The following CACNA2D3 variants were observed in gnomAD, a reference collection of about 807,000 sequenced individuals.
The protein encoded by CACNA2D3 is voltage-dependent calcium channel subunit alpha-2/delta-3.
CACNA2D3 carries 60 observed loss-of-function variants against 160.6 expected under a neutral mutation model. The observed-to-expected ratio is 0.37, with a 90% CI of 0.30 to 0.46. The LOEUF (loss-of-function observed/expected upper bound fraction) is 0.46. CACNA2D3 is among the 20% of genes least tolerant of loss of function. The pLI is 1.00. For synonymous variants in CACNA2D3, 558 were observed against 492.9 expected (o/e 1.13, Z -1.75); for missense variants, 1,205 against 1,365.0 (o/e 0.88, Z 1.85).
intron 27 of CACNA2D3, among the ~76,000 whole-genome samples, chr3:54,948,813 G>A (rs1701681463): frequency 6.6e-6 from 1 of 152,178 alleles, no homozygotes; most frequent in South Asian, 2.1e-4. Context: ...GACTACAGTT[G>A]CATCTGTCAG....
At chr3:54,559,340 C>G (rs963423643) in intron 5 of CACNA2D3, among the ~76,000 whole-genome samples, 2 of 152,092 alleles carry the variant, frequency 1.3e-5, no homozygotes, top group Non-Finnish European at 2.9e-5. Context: ...CTCTGTCACC[C>G]AGGCTGGAGT....
intron 13 of CACNA2D3, among the ~76,000 whole-genome samples, chr3:54,784,303 G>T (rs1229859842): frequency 6.6e-6 from 1 of 152,316 alleles, no homozygotes; most frequent in South Asian, 2.1e-4. Flanking sequence ...GCTCGTGCTG[G>T]AGGCCTTCCA....
rs547809709 is a variant in CACNA2D3, at chr3:55,026,083, C to T, written c.2987+7766C>T. ...CTGGTTAGGAAGTGAAATAACATTA[C>T]AGGCTCCTCAGAAGCACCGACCCCC... On this transcript the variant is annotated intron_variant, in intron 35 of 37. Transcript: ENST00000474759. 7.9e-5 allele frequency among the ~76,000 whole-genome samples: 12 copies of T among 152,154 alleles called. No homozygotes were observed. The South Asian group carries it at 2.3e-3, about 29-fold the overall frequency.
chr3:54,700,059 C>T (rs1032404437), intron 11 of CACNA2D3, among the ~76,000 whole-genome samples: 4 of 152,176 alleles, frequency 2.6e-5, no homozygotes, highest in African/African-American at 9.7e-5. Flanking sequence ...CCACTCCTAG[C>T]ATTTATTATC....
intron 11 of CACNA2D3, among the ~76,000 whole-genome samples, chr3:54,731,261 T>TA (rs1442949296): frequency 6.6e-6 from 1 of 152,246 alleles, no homozygotes; most frequent in Admixed American, 6.5e-5. Flanking sequence ...TGCAAAGTCA[T>TA]ACTGCCTTCT....
At chr3:54,315,349 T>C (rs2107503051) in intron 2 of CACNA2D3, among the ~76,000 whole-genome samples, 1 of 152,368 alleles carries the variant, frequency 6.6e-6, no homozygotes, top group East Asian at 1.9e-4. Flanking sequence ...ACATGTGACC[T>C]GATGGCTTGG....
At chr3:54,509,925 G>GTA (rs1559500827) in intron 5 of CACNA2D3, among the ~76,000 whole-genome samples, 1 of 152,228 alleles carries the variant, frequency 6.6e-6, no homozygotes, top group Non-Finnish European at 1.5e-5. Flanking sequence ...CTGCAGAGAT[G>GTA]TATATGTGTG....
At chr3:54,488,148 T>C (rs1474573663) in intron 4 of CACNA2D3, among the ~76,000 whole-genome samples, 1 of 151,822 alleles carries the variant, frequency 6.6e-6, no homozygotes, top group Admixed American at 6.6e-5. Flanking sequence ...GTGCATCTGG[T>C]TGAGTTAGAG....
At chr3:54,963,462 C>G (rs1352978978) in intron 27 of CACNA2D3, among the ~76,000 whole-genome samples, 1 of 152,166 alleles carries the variant, frequency 6.6e-6, no homozygotes, top group Non-Finnish European at 1.5e-5. Context: ...GGCTACGGAG[C>G]ACTTGACATC....
chr3:55,073,153 A>C (rs1430228717), intron 35 of CACNA2D3, among the ~76,000 whole-genome samples: 1 of 152,152 alleles, frequency 6.6e-6, no homozygotes, highest in Non-Finnish European at 1.5e-5. Context: ...CCTTGGGAAC[A>C]GGTGATTCAG....
At chr3:54,739,078 C>T (rs1701587897) in intron 11 of CACNA2D3, among the ~76,000 whole-genome samples, 2 of 151,790 alleles carry the variant, frequency 1.3e-5, no homozygotes, top group Admixed American at 6.6e-5. Context: ...CTGCAGTGAG[C>T]CGAGATCATG....
intron 3 of CACNA2D3, among the ~76,000 whole-genome samples, chr3:54,324,842 G>A (rs1342352047): frequency 6.6e-6 from 1 of 152,160 alleles, no homozygotes; most frequent in East Asian, 1.9e-4. Flanking sequence ...ATATGCACCA[G>A]TCCTCTGCCA....
intron 31 of CACNA2D3, among the ~76,000 whole-genome samples, chr3:54,991,713 T>TTGAAA (rs201685152): frequency 0.016 from 2,439 of 152,260 alleles, 51 homozygotes; most frequent in African/African-American, 0.055. Flanking sequence ...ATAAGAAGAC[T>TTGAAA]TCAGGTTGAG....
chr3:54,873,037 G>A (rs1465972172), intron 18 of CACNA2D3, among the ~76,000 whole-genome samples: 1 of 151,934 alleles, frequency 6.6e-6, no homozygotes, highest in Non-Finnish European at 1.5e-5. Flanking sequence ...CTTGCCGGAT[G>A]TTTGTCTTGG....
chr3:55,033,318 A>G (rs1169455327), intron 35 of CACNA2D3, among the ~76,000 whole-genome samples: 1 of 152,104 alleles, frequency 6.6e-6, no homozygotes, highest in Non-Finnish European at 1.5e-5. Flanking sequence ...GTAAGTAACT[A>G]GTGTGGTACA....
At chr3:54,650,826 A>G (rs1699750497) in intron 11 of CACNA2D3, among the ~76,000 whole-genome samples, 1 of 152,158 alleles carries the variant, frequency 6.6e-6, no homozygotes, top group South Asian at 2.1e-4. Flanking sequence ...TTTTAAACCA[A>G]TTTCTTATAC....
At chr3:54,944,411 T>A (rs1306163177) in intron 27 of CACNA2D3, among the ~76,000 whole-genome samples, 1 of 143,600 alleles carries the variant, frequency 7.0e-6, no homozygotes, top group Non-Finnish European at 1.6e-5. Context: ...TATTTATTTA[T>A]TTATTTATTT....
intron 3 of CACNA2D3, among the ~76,000 whole-genome samples, chr3:54,377,402 A>G (rs1158987707): frequency 1.3e-5 from 2 of 152,178 alleles, no homozygotes. Flanking sequence ...GAGTTGTTCC[A>G]AGTTCTCCCT....
At chr3:54,716,971 G>T (rs372342655) in intron 11 of CACNA2D3, among the ~76,000 whole-genome samples, 24 of 150,760 alleles carry the variant, frequency 1.6e-4, no homozygotes, top group Admixed American at 5.3e-4. Flanking sequence ...GACAGAACCT[G>T]CCAGGACCTT....
Sources: allele counts gnomAD v4.1 joint callset (sites outside exome capture counted in the v4.1 genomes callset), GRCh38; gene constraint gnomAD v4.1.1; transcripts MANE v1.5; gene names NCBI Gene and HGNC (gene_info 2026-07-23, HGNC 2026-07-21).